The following MECOM variants were observed in gnomAD, a reference collection of about 807,000 sequenced individuals.
The protein encoded by MECOM is histone-lysine N-methyltransferase MECOM.
MECOM carries 13 observed loss-of-function variants against 116.3 expected under a neutral mutation model. The ratio of observed to expected loss-of-function variants is 0.11; its 90% CI spans 0.07 to 0.18. The LOEUF is 0.18. MECOM is among the 10% of genes least tolerant of loss of function. The probability of loss-of-function intolerance (pLI) is 1.00; values close to 1 mark genes in which losing one functional copy is unlikely to be tolerated. For synonymous variants in MECOM, 528 were observed against 535.2 expected, an observed-to-expected ratio of 0.99 and a Z score of 0.19; for missense variants, 1,299 against 1,509.0, an observed-to-expected ratio of 0.86 and a Z score of 2.31.
intron 1 of MECOM, among the ~76,000 whole-genome samples, chr3:169,519,066 G>T (rs1045422213): frequency 6.6e-6 from 1 of 152,154 alleles, no homozygotes; most frequent in Non-Finnish European, 1.5e-5. Context: ...TTGACAACCA[G>T]AGTAACAATT....
intron 1 of MECOM, among the ~76,000 whole-genome samples, chr3:169,572,913 C>T (rs1764085257): frequency 6.6e-6 from 1 of 151,922 alleles, no homozygotes; most frequent in African/African-American, 2.4e-5. Flanking sequence ...ACCACCATGG[C>T]ACGTGTATAC....
At chr3:169,221,567 T>TAA (rs34439968) in intron 2 of MECOM, among the ~76,000 whole-genome samples, 6,837 of 132,302 alleles carry the variant, frequency 0.052, 444 homozygotes, top group African/African-American at 0.15. Flanking sequence ...AAAGAGATGT[T>TAA]AAAAAAAAAA....
At chr3:169,416,768 G>C (rs1269044755) in intron 1 of MECOM, among the ~76,000 whole-genome samples, 2 of 151,962 alleles carry the variant, frequency 1.3e-5, no homozygotes, top group East Asian at 3.9e-4. Flanking sequence ...ATGTAAGTAA[G>C]CTAGAAAATC....
At position 169,257,823 on chromosome 3, in the gene MECOM, G is replaced by A. The variant is rs543104548; in HGVS notation, c.376-113991C>T. On this transcript the variant is annotated intron_variant, in intron 2 of 16. Coordinates refer to ENST00000651503, the MANE Select transcript of MECOM (RefSeq NM_004991.4). ...TGGTGTGGATAAATGCTTCCACTTC[G>A]TTTAGAGATGTAACCTATATATTAA... Among the ~76,000 whole-genome samples, 5 of 152,224 alleles carry A rather than the reference G, an allele frequency of 3.3e-5. No homozygotes were observed. The East Asian group carries it at 7.7e-4, about 23-fold the overall frequency.
At chr3:169,281,544 C>T (rs1166580980) in intron 2 of MECOM, among the ~76,000 whole-genome samples, 2 of 152,182 alleles carry the variant, frequency 1.3e-5, no homozygotes, top group African/African-American at 4.8e-5. Context: ...GGCATTGTGG[C>T]TCATGCCTGT....
At chr3:169,571,646 A>G (rs1467337304) in intron 1 of MECOM, among the ~76,000 whole-genome samples, 1 of 152,230 alleles carries the variant, frequency 6.6e-6, no homozygotes, top group Non-Finnish European at 1.5e-5. Flanking sequence ...AAACAGATAT[A>G]TAGACCAATG....
intron 2 of MECOM, among the ~76,000 whole-genome samples, chr3:169,330,301 G>A (rs1301986826): frequency 1.3e-5 from 2 of 152,126 alleles, no homozygotes; most frequent in Non-Finnish European, 2.9e-5. Context: ...TGGGATTTCA[G>A]GCATAAGCCA....
intron 1 of MECOM, among the ~76,000 whole-genome samples, chr3:169,478,902 C>T (rs1003158223): frequency 8.5e-5 from 13 of 152,156 alleles, no homozygotes; most frequent in African/African-American, 3.1e-4. Context: ...ATGTGGAACA[C>T]AGTAGGACTC....
chr3:169,450,237 C>T (rs942633715), intron 1 of MECOM, among the ~76,000 whole-genome samples: 2 of 152,142 alleles, frequency 1.3e-5, no homozygotes, highest in African/African-American at 4.8e-5. Context: ...TATTTGGCCA[C>T]TTGAGTGAAA....
chr3:169,191,663 AAAC>A (rs2149423018), intron 2 of MECOM, among the ~76,000 whole-genome samples: 1 of 141,276 alleles, frequency 7.1e-6, no homozygotes, highest in South Asian at 2.3e-4. Context: ...AGACAGGAAA[AAAC>A]AGAGAGAAAG....
At chr3:169,098,725 G>T (rs73166194) in intron 12 of MECOM, among the ~76,000 whole-genome samples, 9,570 of 151,636 alleles carry the variant, frequency 0.063, 442 homozygotes, top group South Asian at 0.2. Context: ...ATGGGGTCTC[G>T]CTGTGTTGTC....
chr3:169,289,532 A>T (rs1208489960), intron 2 of MECOM, among the ~76,000 whole-genome samples: 1 of 152,214 alleles, frequency 6.6e-6, no homozygotes, highest in Non-Finnish European at 1.5e-5. Flanking sequence ...GCACATTAAC[A>T]TGCTTTCAAA....
chr3:169,599,529 A>C (rs1767572646), intron 1 of MECOM, among the ~76,000 whole-genome samples: 1 of 150,760 alleles, frequency 6.6e-6, no homozygotes, highest in Non-Finnish European at 1.5e-5. Flanking sequence ...AAAAAAAAAA[A>C]AGTGTAAACC....
chr3:169,235,355 G>C (rs1753900480), intron 2 of MECOM, among the ~76,000 whole-genome samples: 1 of 151,926 alleles, frequency 6.6e-6, no homozygotes, highest in African/African-American at 2.4e-5. Context: ...CTAGAATATG[G>C]AAAGAGACTT....
chr3:169,508,275 A>T (rs1473924858), intron 1 of MECOM, among the ~76,000 whole-genome samples: 2 of 152,140 alleles, frequency 1.3e-5, no homozygotes, highest in African/African-American at 2.4e-5. Flanking sequence ...CCTACACTTC[A>T]TCACTGAGCA....
chr3:169,392,442 G>A (rs1734362689), intron 1 of MECOM, among the ~76,000 whole-genome samples: 6 of 152,108 alleles, frequency 3.9e-5, no homozygotes, highest in Admixed American at 3.9e-4. Flanking sequence ...GAAGTGTTGA[G>A]GTGATAATCT....
chr3:169,540,855 A>T (rs925327698), intron 1 of MECOM, among the ~76,000 whole-genome samples: 1 of 152,188 alleles, frequency 6.6e-6, no homozygotes, highest in South Asian at 2.1e-4. Context: ...ACTCAAATGT[A>T]ACCTCCATGA....
intron 1 of MECOM, among the ~76,000 whole-genome samples, chr3:169,402,864 G>A (rs1483178175): frequency 6.6e-6 from 1 of 152,104 alleles, no homozygotes; most frequent in African/African-American, 2.4e-5. Context: ...GTGTTTGCCA[G>A]GTACACACCC....
chr3:169,657,600 G>A (rs1338528828), intron 1 of MECOM, among the ~76,000 whole-genome samples: 1 of 152,182 alleles, frequency 6.6e-6, no homozygotes, highest in Non-Finnish European at 1.5e-5. Context: ...GGGACCCATT[G>A]GACAAGGAAT....
Sources: gnomAD v4.1 joint callset for allele counts (sites outside exome capture counted in the v4.1 genomes callset) on GRCh38, gnomAD v4.1.1 for gene constraint, MANE v1.5 for transcripts, NCBI Gene and HGNC (gene_info 2026-07-23, HGNC 2026-07-21) for gene names.